CACHD1: variants seen among roughly 807,000 people sequenced by gnomAD.
CACHD1 encodes cache domain containing 1.
In CACHD1, 71 loss-of-function variants were observed where a neutral mutation model predicts 138.7. The observed-to-expected ratio is 0.51, with a 90% CI of 0.42 to 0.62. The LOEUF is 0.62. CACHD1 is among the 20% of genes least tolerant of loss of function. The pLI is 0.00. For synonymous variants in CACHD1, 578 were observed against 591.5 expected, an observed-to-expected ratio of 0.98 and a Z score of 0.33; for missense variants, 1,389 against 1,625.3, an observed-to-expected ratio of 0.85 and a Z score of 2.50.
chr1:64,591,562 A>G (rs1647106531), intron 3 of CACHD1, among the ~76,000 whole-genome samples: 1 of 152,254 alleles, frequency 6.6e-6, no homozygotes, highest in Non-Finnish European at 1.5e-5. Context: ...GGTCTAATAC[A>G]TAGTAGACAC....
chr1:64,549,649 C>G (rs1468247761), intron 1 of CACHD1, among the ~76,000 whole-genome samples: 1 of 152,032 alleles, frequency 6.6e-6, no homozygotes, highest in East Asian at 1.9e-4. Context: ...GGAAGCTGTC[C>G]CAGATGCTGA....
At chr1:64,648,269 T>A (rs980889955) in intron 9 of CACHD1, among the ~76,000 whole-genome samples, 56 of 152,190 alleles carry the variant, frequency 3.7e-4, no homozygotes, top group African/African-American at 1.4e-3. Context: ...ATCCAAAAGT[T>A]TGTGAATTAG....
intron 4 of CACHD1, among the ~76,000 whole-genome samples, chr1:64,612,781 A>T (rs1444939673): frequency 1.3e-5 from 2 of 152,208 alleles, no homozygotes; most frequent in East Asian, 3.8e-4. Flanking sequence ...CAGGAGATTA[A>T]TGTTGTTTTC....
At chr1:64,509,705 G>A (rs533297699) in intron 1 of CACHD1, among the ~76,000 whole-genome samples, 1 of 152,316 alleles carries the variant, frequency 6.6e-6, no homozygotes, top group Admixed American at 6.5e-5. Context: ...AGACTGTGAA[G>A]TAGATTTTAT....
intron 3 of CACHD1, among the ~76,000 whole-genome samples, chr1:64,602,537 A>G (rs1232756806): frequency 1.4e-5 from 2 of 140,502 alleles, no homozygotes; most frequent in African/African-American, 5.2e-5. Flanking sequence ...TTTTATCAGT[A>G]GTACTGACTT....
intron 3 of CACHD1, among the ~76,000 whole-genome samples, chr1:64,587,578 T>C (rs1426227342): frequency 2.0e-5 from 3 of 152,218 alleles, no homozygotes; most frequent in Non-Finnish European, 4.4e-5. Flanking sequence ...TTAGGTACTC[T>C]GTCAATGTTT....
chr1:64,640,161 G>A (rs530050897), intron 7 of CACHD1, among the ~76,000 whole-genome samples: 1 of 152,184 alleles, frequency 6.6e-6, no homozygotes, highest in East Asian at 1.9e-4. Flanking sequence ...CATTATAAGT[G>A]ACTCACTAAA....
intron 26 of CACHD1, among the ~76,000 whole-genome samples, chr1:64,689,095 G>T (rs535645525): frequency 6.6e-6 from 1 of 151,792 alleles, no homozygotes; most frequent in South Asian, 2.1e-4. Context: ...CACCAAGAAG[G>T]CACTCAGTCA....
At chr1:64,664,210 G>T (rs1649549107) in intron 14 of CACHD1, 3 of 478,836 alleles carry the variant, frequency 6.3e-6, no homozygotes, top group East Asian at 3.4e-5. Context: ...AAGCTTTAGG[G>T]TTAGTGTGTA....
In CACHD1 at chr1:64,657,666, G is replaced by A. The variant is rs1036358054; in HGVS notation, c.1783-1039G>A. Among the ~76,000 whole-genome samples, 5 of 152,312 alleles carry A rather than the reference G, an allele frequency of 3.3e-5. No homozygotes were observed. The South Asian group carries it at 6.2e-4, about 19-fold the overall frequency. Reference sequence around the variant, plus strand: ...ATGCAAATTGCTTCTGTGTTTAAGAGTCTACAACCATCCTCACAAATCCTA... The same window carrying A: ...ATGCAAATTGCTTCTGTGTTTAAGAATCTACAACCATCCTCACAAATCCTA... On this transcript the variant is annotated intron_variant, in intron 12 of 26. Coordinates refer to ENST00000651257, the MANE Select transcript of CACHD1 (RefSeq NM_020925.4).
intron 16 of CACHD1, among the ~76,000 whole-genome samples, chr1:64,671,353 G>GATATATAATATATA (rs1649809746): frequency 6.6e-6 from 1 of 152,056 alleles, no homozygotes; most frequent in Admixed American, 6.6e-5. Context: ...TATTTATACA[G>GATATATAATATATA]TCCTACATTA....
chr1:64,630,403 C>T (rs978656625), intron 5 of CACHD1, among the ~76,000 whole-genome samples: 2 of 151,554 alleles, frequency 1.3e-5, no homozygotes, highest in East Asian at 1.9e-4. Context: ...CGGGTTCAAG[C>T]GATTCTCCTG....
intron 21 of CACHD1, among the ~76,000 whole-genome samples, chr1:64,676,188 T>G (rs1269106330): frequency 1.3e-5 from 2 of 152,048 alleles, no homozygotes; most frequent in African/African-American, 4.8e-5. Context: ...AGGTTTAAAT[T>G]TAACTGCTGT....
chr1:64,506,257 C>A (rs990720266), intron 1 of CACHD1: 3 of 152,172 alleles, frequency 2.0e-5, no homozygotes, highest in Admixed American at 1.3e-4. Flanking sequence ...TTTTGCTGGG[C>A]TCCAGAAATA....
intron 2 of CACHD1, among the ~76,000 whole-genome samples, chr1:64,578,992 C>T (rs1190296277): frequency 6.6e-5 from 10 of 152,184 alleles, no homozygotes; most frequent in Non-Finnish European, 1.5e-4. Flanking sequence ...AACCACTACA[C>T]TAGGATTATG....
intron 24 of CACHD1, among the ~76,000 whole-genome samples, chr1:64,681,056 G>T (rs942207638): frequency 5.3e-5 from 8 of 152,034 alleles, no homozygotes; most frequent in Non-Finnish European, 8.8e-5. Flanking sequence ...GATGTCTCTT[G>T]ATTACTTGTT....
At position 64,663,526 on chromosome 1, in the gene CACHD1, G is replaced by T. The variant is rs1300570193; in HGVS notation, c.1952-169G>T. On this transcript the variant is annotated intron_variant, in intron 13 of 26. Transcript: ENST00000651257. ...AAGCCGCGCCACTTCACACCAGCCTGGGCCACAGAGCGAGACTCCATCTGA... is the reference window on the plus strand; with the variant it reads ...AAGCCGCGCCACTTCACACCAGCCTTGGCCACAGAGCGAGACTCCATCTGA... Among the ~76,000 whole-genome samples the T allele has an allele frequency of 6.0e-5, 9 of 149,412 alleles. 1 individual carries two copies. Among genetic ancestry groups the T allele is most frequent in the Admixed American group, 6.0e-4 (9 of 14,970 alleles).
chr1:64,622,253 A>G (rs1241177486), intron 4 of CACHD1, among the ~76,000 whole-genome samples: 1 of 152,160 alleles, frequency 6.6e-6, no homozygotes, highest in Non-Finnish European at 1.5e-5. Flanking sequence ...TATCTAACAT[A>G]TGCTATTTAG....
chr1:64,580,348 A>C (rs530902220), intron 2 of CACHD1, among the ~76,000 whole-genome samples: 3 of 152,188 alleles, frequency 2.0e-5, no homozygotes, highest in Non-Finnish European at 4.4e-5. Context: ...TCTCTCAATC[A>C]AAGTTTTTCT....
Sources: allele counts gnomAD v4.1 joint callset (sites outside exome capture counted in the v4.1 genomes callset), GRCh38; gene constraint gnomAD v4.1.1; transcripts MANE v1.5; gene names NCBI Gene and HGNC (gene_info 2026-07-23, HGNC 2026-07-21).